Variants in NISCH observed in about 807,000 individuals in gnomAD.
NISCH encodes the protein I-1 receptor candidate protein.
A neutral mutation model predicts 138.4 loss-of-function variants in NISCH; 55 were observed. That is an observed-to-expected ratio of 0.40 (90% confidence interval 0.32 to 0.50). NISCH has a LOEUF of 0.50. Among genes scored for constraint, NISCH ranks in the 20% least tolerant of loss-of-function variants. NISCH has a pLI of 0.71. For synonymous variants in NISCH, 860 were observed against 861.5 expected (o/e 1.00, Z 0.03); for missense variants, 1,643 against 2,005.5 (o/e 0.82, Z 3.45).
rs1013765329 is a variant in NISCH at position 52,457,752 on chromosome 3, G to A, written c.94-91G>A. The A allele has an allele frequency of 1.5e-5, 14 of 956,916 alleles. No individual in the cohort carries two copies. In the African/African-American group the frequency reaches 2.3e-4, roughly 15 times the overall value. 59.3% of individuals were successfully genotyped at this position (956,916 alleles called of 1,614,324 possible). A position where few individuals can be genotyped will look rare whatever the true frequency, so the allele number is the denominator to read the frequency against. Reference sequence around the variant, plus strand: ...AGAGAAAGACTGATAAAAGATAATTGGGAAAGATAATTGCAGCTTTTGCTG... The same window carrying A: ...AGAGAAAGACTGATAAAAGATAATTAGGAAAGATAATTGCAGCTTTTGCTG... On this transcript the variant is annotated intron_variant, in intron 1 of 20. Coordinates refer to ENST00000345716, the MANE Select transcript of NISCH (RefSeq NM_007184.4).
intron 3 of NISCH, among the ~76,000 whole-genome samples, chr3:52,467,414 C>A (rs934004033): frequency 1.3e-5 from 2 of 152,218 alleles, no homozygotes; most frequent in Non-Finnish European, 2.9e-5. Context: ...ACTCACACCC[C>A]ACCCCGCCTC....
intron 18 of NISCH, 141 bp from the exon 19 acceptor site, chr3:52,490,564 C>A: frequency 8.4e-7 from 1 of 1,188,326 alleles, no homozygotes; most frequent in Non-Finnish European, 1.2e-6. Flanking sequence ...GCTCCGACTC[C>A]AGAGGGCATT....
intron 3 of NISCH, among the ~76,000 whole-genome samples, chr3:52,468,215 C>T (rs185776450): frequency 4.5e-4 from 69 of 152,266 alleles, no homozygotes; most frequent in African/African-American, 1.5e-3. Context: ...GCCAGGATCA[C>T]GCCACTGCAC....
Position 52,459,251 on chromosome 3 carries a change from G to A in NISCH, c.360+407G>A, listed in dbSNP as rs556665052. Among the ~76,000 whole-genome samples the A allele has an allele frequency of 1.8e-4, 27 of 152,246 alleles. 1 individual carries two copies. Among genetic ancestry groups the A allele is most frequent in the Admixed American group, 6.5e-5 (1 of 15,292 alleles). On this transcript the variant is annotated intron_variant, in intron 3 of 20. Transcript: ENST00000345716. ...TGATGGTGGAATATCACCATCTTGG[G>A]GCGTGTCATCAGGGTCCGCGCTGCC...
intron 20 of NISCH, 178 bp from the exon 21 acceptor site, chr3:52,491,692 CCA>C (rs2153231956): frequency 9.5e-7 from 1 of 1,058,168 alleles, no homozygotes. Context: ...AGTCCCTCAA[CCA>C]TCTGGCAGAC....
rs1227375009 is a variant in NISCH at position 52,492,716 on chromosome 3, C to A, written c.*234C>A. On this transcript the variant is annotated 3_prime_UTR_variant, in exon 21 of 21. Transcript: ENST00000345716. ...GTCAGCCTCCCACAGGTGGTACAGC[C>A]GTGCACACCAGTGTCGTGTCTGCTG... The A allele has an allele frequency of 3.5e-6, 2 of 577,670 alleles. No individual in the cohort carries two copies. The highest frequency in any genetic ancestry group is 6.0e-6 in the Non-Finnish European group (2 of 330,990). 35.8% of individuals were successfully genotyped at this position (577,670 alleles called of 1,614,324 possible). A position where few individuals can be genotyped will look rare whatever the true frequency, so the allele number is the denominator to read the frequency against.
chr3:52,484,171 A>G, intron 13 of NISCH: 1 of 230,740 alleles, frequency 4.3e-6, no homozygotes, highest in South Asian at 8.8e-5. Context: ...TATTGCAAAC[A>G]CTTTTCTCAT....
chr3:52,484,551 C>T lies in NISCH; in HGVS notation c.1567C>T (p.Leu523Phe), dbSNP rs138615970. The change falls in exon 14 of 21, where the codon CTC becomes TTC. Residue 523 changes from leucine (L) to phenylalanine (F), a missense_variant. Transcript: ENST00000345716. Reference sequence around the variant, plus strand: ...TCAGGAGGAGGCCCTGGCCAGCAGCCTCTCGTCCACTGACAGTCTGACTCC... The same window carrying T: ...TCAGGAGGAGGCCCTGGCCAGCAGCTTCTCGTCCACTGACAGTCTGACTCC... ...FVQEEALASS[L>F]SSTDSLTPEH... is the part of the protein sequence containing the mutation. 9.9e-5 allele frequency: 160 copies of T among 1,613,354 alleles called. No homozygotes were observed. Among genetic ancestry groups the T allele is most frequent in the African/African-American group, 1.3e-4 (10 of 74,688 alleles).
In NISCH at chr3:52,487,877, G is replaced by C; in HGVS notation, c.2385G>C (p.Ser795=). ...GTGAGAACACGCTCTTCATTATCTC[G>C]GACGCCGCCAACCTGCACGAGTTCC... ...RHSENTLFII[S]DAANLHEFHA... Residue 795 remains serine, a synonymous_variant, in exon 16 of 21, where the codon TCG becomes TCC. Coordinates refer to ENST00000345716, the MANE Select transcript of NISCH (RefSeq NM_007184.4). This position sits in a 1 kb window ranked among gnomAD's most constrained non-coding sequence, Gnocchi z 9.1. The C allele has an allele frequency of 6.2e-7, 1 of 1,612,356 alleles. No individual in the cohort carries two copies. Among genetic ancestry groups the C allele is most frequent in the South Asian group, 1.1e-5 (1 of 91,028 alleles).
rs56199620 is a variant in NISCH, at chr3:52,466,563, CAA to C, written c.361-4279_361-4278del. Among the ~76,000 whole-genome samples, 538 of 122,548 alleles carry C rather than the reference CAA, an allele frequency of 4.4e-3. 1 individual carries two copies. The highest frequency in any genetic ancestry group is 4.6e-3 in the South Asian group (17 of 3,736). The allele number at this position is 122,548 out of a possible 152,430, so 80.4% of individuals were successfully genotyped here. A position where few individuals can be genotyped will look rare whatever the true frequency, so the allele number is the denominator to read the frequency against. On this transcript the variant is annotated intron_variant, in intron 3 of 20. Transcript: ENST00000345716. The stretch of plus-strand genomic sequence containing the variant: ...TGGGTGACAGGGCAAGACTCCATCT[CAA>C]AAAAAAAAAAAAAAAATAGTGAGAC...
intron 6 of NISCH, 113 bp from the exon 7 acceptor site, chr3:52,473,621 G>A: frequency 1.5e-6 from 1 of 651,760 alleles, no homozygotes. Flanking sequence ...CATCTCTGAG[G>A]ATTTGGGTTG....
At position 52,487,352 on chromosome 3, in the gene NISCH, C is replaced by T; in HGVS notation, c.1860C>T (p.Ala620=). 2 of 1,614,126 alleles carry T rather than the reference C, an allele frequency of 1.2e-6. No homozygotes were observed. The highest frequency in any genetic ancestry group is 1.7e-6 in the Non-Finnish European group (2 of 1,180,042). Residue 620 remains alanine, a synonymous_variant, in exon 16 of 21, where the codon GCC becomes GCT. Transcript: ENST00000345716. This position sits in a 1 kb window ranked among gnomAD's most constrained non-coding sequence, Gnocchi z 9.1. ...IRQAIERQLP[A]WIEAANQREE... Reference sequence around the variant, plus strand: ...AGGCCATCGAGCGGCAGCTGCCTGCCTGGATCGAGGCTGCCAACCAGCGGG... The same window carrying T: ...AGGCCATCGAGCGGCAGCTGCCTGCTTGGATCGAGGCTGCCAACCAGCGGG...
At chr3:52,469,720 G>A (rs947494329) in intron 3 of NISCH, among the ~76,000 whole-genome samples, 2 of 152,098 alleles carry the variant, frequency 1.3e-5, no homozygotes, top group African/African-American at 2.4e-5. Context: ...TTTGAGATCA[G>A]CCTGGCCAAC....
intron 13 of NISCH, among the ~76,000 whole-genome samples, chr3:52,483,536 G>A (rs1200871132): frequency 3.9e-5 from 6 of 152,230 alleles, no homozygotes; most frequent in South Asian, 2.1e-4. Context: ...CAGCTTCAGC[G>A]GGGTTTAGGA....
In NISCH at chr3:52,478,251, A is replaced by G. The variant is rs1344315704; in HGVS notation, c.1142A>G (p.Asn381Ser). 6 of 1,614,136 alleles carry G rather than the reference A, an allele frequency of 3.7e-6. No individual in the cohort carries two copies. Among genetic ancestry groups the G allele is most frequent in the South Asian group, 1.1e-5 (1 of 91,084 alleles). Reference protein sequence around the residue: ...SGLHKLYSLVNLDLRDNRIEQ... With the variant: ...SGLHKLYSLVSLDLRDNRIEQ... Reference sequence around the variant, plus strand: ...CTGCACAAGCTCTACTCACTGGTCAACCTGGATCTCCGGGACAACAGGATC... The same window carrying G: ...CTGCACAAGCTCTACTCACTGGTCAGCCTGGATCTCCGGGACAACAGGATC... The change falls in exon 10 of 21, where the codon AAC (asparagine) becomes AGC (serine). Residue 381 changes from asparagine (N) to serine (S), a missense_variant. Transcript: ENST00000345716.
At chr3:52,477,711 T>A in intron 9 of NISCH, 69 bp downstream of exon 9, 1 of 1,349,542 alleles carries the variant, frequency 7.4e-7, no homozygotes, top group Non-Finnish European at 1.1e-6. Flanking sequence ...TTCAGGAGAC[T>A]GACGCAGCCT....
At position 52,476,402 on chromosome 3, in the gene NISCH, C is replaced by T. The variant is rs368704363; in HGVS notation, c.766-45C>T. On this transcript the variant is annotated intron_variant, in intron 7 of 20. Transcript: ENST00000345716. ...ACGACTGTGTTCCCAGTGAGTGTTG[C>T]GTGAGGGCCCGAGTGTGGTGCTCCA... 96 of 1,604,098 alleles carry T rather than the reference C, an allele frequency of 6.0e-5. 1 individual carries two copies. The highest frequency in any genetic ancestry group is 1.4e-4 in the South Asian group (13 of 90,816).
chr3:52,458,893 C>A, intron 3 of NISCH, 49 bp downstream of exon 3: 1 of 1,519,936 alleles, frequency 6.6e-7, no homozygotes, highest in Non-Finnish European at 8.9e-7. Context: ...CCACAACTGC[C>A]AAACTTGAGG....
Position 52,492,386 on chromosome 3 carries a change from C to T in NISCH, c.4419C>T (p.Val1473=), listed in dbSNP as rs758305852. 2 of 1,613,086 alleles carry T rather than the reference C, an allele frequency of 1.2e-6. No individual in the cohort carries two copies. Among genetic ancestry groups the T allele is most frequent in the East Asian group, 2.2e-5 (1 of 44,890 alleles). ...GTGAAGTCCAGTGGCAGGTGTTTGT[C>T]CCCAGTGCTGAGAGCAGAGAGAAGC... ...QGREVQWQVF[V]PSAESREKLI... The change falls in exon 21 of 21, where the codon GTC becomes GTT. Residue 1473 remains valine, a synonymous_variant. Coordinates refer to ENST00000345716, the MANE Select transcript of NISCH (RefSeq NM_007184.4).
Sources: gnomAD v4.1 joint callset for allele counts (sites outside exome capture counted in the v4.1 genomes callset) on GRCh38, gnomAD v4.1.1 for gene constraint, Gnocchi (gnomAD v3.1) non-coding constraint, MANE v1.5 for transcripts, NCBI Gene and HGNC (gene_info 2026-07-23, HGNC 2026-07-21) for gene names.